SKOR1: variants seen among roughly 807,000 people sequenced by gnomAD.
SKOR1 encodes SKI family transcriptional corepressor 1.
A neutral mutation model predicts 72.4 loss-of-function variants in SKOR1; 38 were observed. The ratio of observed to expected loss-of-function variants is 0.52; its 90% CI spans 0.40 to 0.69. The LOEUF (loss-of-function observed/expected upper bound fraction) is 0.69. Among genes scored for constraint, SKOR1 ranks in the 30% least tolerant of loss-of-function variants. The pLI, the probability that SKOR1 is intolerant of heterozygous loss-of-function variation, is 0.00. For synonymous variants in SKOR1, 642 were observed against 599.4 expected (o/e 1.07, Z -1.04); for missense variants, 1,320 against 1,343.2 (o/e 0.98, Z 0.27).
In SKOR1 at chr15:67,829,259, C is replaced by A; in HGVS notation, c.2397C>A (p.Pro799=). ...CCGCGGCCTCCTACGTCTGCACCCC[C>A]GAGGCCCACGGTAACGCCTGTCGCG... ...LGPAASYVCT[P]EAHEPDKEDN... is the part of the protein sequence containing the mutation. Residue 799 remains proline (P), a synonymous_variant, in exon 3 of 9, where the codon CCC becomes CCA. Transcript: ENST00000380035. 6.4e-7 allele frequency: 1 copy of A among 1,554,156 alleles called. No individual in the cohort carries two copies. The highest frequency in any genetic ancestry group is 2.4e-5 in the East Asian group (1 of 42,054).
chr15:67,832,786 T>A lies in SKOR1; in HGVS notation c.2737+105T>A. 1 of 948,048 alleles carries A rather than the reference T, an allele frequency of 1.1e-6. No homozygotes were observed. The highest frequency in any genetic ancestry group is 1.5e-5 in the South Asian group (1 of 68,010). 58.7% of individuals were successfully genotyped at this position (948,048 alleles called of 1,614,324 possible). On this transcript the variant is annotated intron_variant, in intron 7 of 8. Transcript: ENST00000380035. The surrounding 1 kb of genome is among the most constrained non-coding windows in gnomAD (Gnocchi z 4.5). ...ATTTGGATTTAAATTGAAGGTAATT[T>A]AACAATTATTTTTTTATTTAATATG...
chr15:67,834,088 C>T lies in SKOR1; in HGVS notation c.*252C>T. 1 of 550,828 alleles carries T rather than the reference C, an allele frequency of 1.8e-6. No individual in the cohort carries two copies. Among genetic ancestry groups the T allele is most frequent in the Non-Finnish European group, 3.3e-6 (1 of 304,156 alleles). 34.1% of individuals were successfully genotyped at this position (550,828 alleles called of 1,614,324 possible). On this transcript the variant is annotated 3_prime_UTR_variant, in exon 9 of 9. Coordinates refer to ENST00000380035, the MANE Select transcript of SKOR1 (RefSeq NM_001365915.1). The surrounding 1 kb of genome is among the most constrained non-coding windows in gnomAD (Gnocchi z 5.8). ...CTCAAATCCCCCTACCCCGTGTGAA[C>T]TCTAGGGCATCGGACCTCAAGGGGT...
In SKOR1 at chr15:67,833,821, A is replaced by G. The variant is rs766606143; in HGVS notation, c.2883A>G (p.Pro961=). ...RHCTGNCSFK[P]PLLP ...GCACTGGCAACTGCTCCTTCAAGCC[A>G]CCGCTGTTGCCCTAGGGCCGGCCTG... The change falls in exon 9 of 9, where the codon CCA becomes CCG. Residue 961 remains proline (P), a synonymous_variant. Transcript: ENST00000380035. This position sits in a 1 kb window ranked among gnomAD's most constrained non-coding sequence, Gnocchi z 6.0. 4.3e-6 allele frequency: 7 copies of G among 1,611,192 alleles called. No individual in the cohort carries two copies. In the South Asian group the frequency reaches 4.4e-5, roughly 10 times the overall value.
At position 67,833,825 on chromosome 15, in the gene SKOR1, C is replaced by T; in HGVS notation, c.2887C>T (p.Leu963=). ...CTGNCSFKPP[L]LP is the part of the protein sequence containing the mutation. ...TGGCAACTGCTCCTTCAAGCCACCG[C>T]TGTTGCCCTAGGGCCGGCCTGGCCG... The change falls in exon 9 of 9, where the codon CTG becomes TTG. Residue 963 remains leucine, a synonymous_variant. Coordinates refer to ENST00000380035, the MANE Select transcript of SKOR1 (RefSeq NM_001365915.1). This position sits in a 1 kb window ranked among gnomAD's most constrained non-coding sequence, Gnocchi z 6.0. 2 of 1,610,880 alleles carry T rather than the reference C, an allele frequency of 1.2e-6. No homozygotes were observed. Among genetic ancestry groups the T allele is most frequent in the Non-Finnish European group, 1.7e-6 (2 of 1,180,014 alleles).
intron 2 of SKOR1, among the ~76,000 whole-genome samples, chr15:67,828,568 C>T (rs906177399): frequency 9.2e-5 from 14 of 152,184 alleles, no homozygotes; most frequent in Non-Finnish European, 1.2e-4. Context: ...GTGGCCTCTC[C>T]CTGAGTCGGG....
chr15:67,833,281 TAGG>T lies in SKOR1; in HGVS notation c.2803+28_2803+30del, dbSNP rs1566977572. 3.1e-6 allele frequency: 5 copies of T among 1,613,202 alleles called. No homozygotes were observed. Among genetic ancestry groups the T allele is most frequent in the Non-Finnish European group, 3.4e-6 (4 of 1,179,506 alleles). On this transcript the variant is annotated intron_variant, in intron 8 of 8. Coordinates refer to ENST00000380035, the MANE Select transcript of SKOR1 (RefSeq NM_001365915.1). This position sits in a 1 kb window ranked among gnomAD's most constrained non-coding sequence, Gnocchi z 6.0. ...AGGTGCGGAAGCCGGGAAACAAAGA[TAGG>T]AGGGGTGCTGGGTGCCGGCCGTGCT...
At chr15:67,831,171 C>T (rs1257784882) in intron 5 of SKOR1, among the ~76,000 whole-genome samples, 1 of 152,156 alleles carries the variant, frequency 6.6e-6, no homozygotes, top group South Asian at 2.1e-4. Flanking sequence ...AATAGCCTTG[C>T]CAGAAAGAGA....
Position 67,832,181 on chromosome 15 carries a change from T to C in SKOR1, c.2588-93T>C. 2 of 1,152,824 alleles carry C rather than the reference T, an allele frequency of 1.7e-6. No homozygotes were observed. Among genetic ancestry groups the C allele is most frequent in the Non-Finnish European group, 2.6e-6 (2 of 772,422 alleles). The allele number at this position is 1,152,824 out of a possible 1,614,324, so 71.4% of individuals were successfully genotyped here. A position where few individuals can be genotyped will look rare whatever the true frequency, so the allele number is the denominator to read the frequency against. ...CCACCTACTGGTCATCCTTCTCAAC[T>C]CTCCTTTCAGGGTTGTTGGCCAAGG... On this transcript the variant is annotated intron_variant, in intron 5 of 8. Transcript: ENST00000380035. This position sits in a 1 kb window ranked among gnomAD's most constrained non-coding sequence, Gnocchi z 4.5.
At position 67,827,663 on chromosome 15, in the gene SKOR1, C is replaced by T. The variant is rs777446797; in HGVS notation, c.1835C>T (p.Ala612Val). 6.5e-7 allele frequency: 1 copy of T among 1,532,498 alleles called. No homozygotes were observed. The highest frequency in any genetic ancestry group is 1.2e-5 in the South Asian group (1 of 82,632). 94.9% of individuals were successfully genotyped at this position (1,532,498 alleles called of 1,614,324 possible). A position where few individuals can be genotyped will look rare whatever the true frequency, so the allele number is the denominator to read the frequency against. The change falls in exon 2 of 9, where the codon GCC becomes GTC. Residue 612 changes from alanine (A) to valine (V), a missense_variant. Coordinates refer to ENST00000380035, the MANE Select transcript of SKOR1 (RefSeq NM_001365915.1). The stretch of plus-strand genomic sequence containing the variant: ...AGCATCGCTAAGCTCTACGGGAGCG[C>T]CCGGGAGGCGTACGGCGCGGGGCCT... ...TESIAKLYGS[A>V]REAYGAGPAR...
Position 67,827,883 on chromosome 15 carries a change from A to C in SKOR1, c.2055A>C (p.Ala685=), listed in dbSNP as rs773308687. 3.1e-6 allele frequency: 5 copies of C among 1,600,604 alleles called. No individual in the cohort carries two copies. Among genetic ancestry groups the C allele is most frequent in the Non-Finnish European group, 2.6e-6 (3 of 1,174,560 alleles). ...QEETEPSAPS[A]GGGPDGEQPT... is the part of the protein sequence containing the mutation. ...AGACCGAGCCCAGCGCACCCAGCGC[A>C]GGGGGCGGCCCAGACGGTGAACAGC... Residue 685 remains alanine, a synonymous_variant, in exon 2 of 9, where the codon GCA becomes GCC. Coordinates refer to ENST00000380035, the MANE Select transcript of SKOR1 (RefSeq NM_001365915.1).
In SKOR1 at chr15:67,827,627, A is replaced by C; in HGVS notation, c.1799A>C (p.Lys600Thr). ...GTGTCGGCCTTCCGGCCGGTGGTCA[A>C]GGACACCGAGAGCATCGCTAAGCTC... The part of the protein sequence containing the change: ...SYVSAFRPVV[K>T]DTESIAKLYG... The change falls in exon 2 of 9, where the codon AAG becomes ACG. Residue 600 changes from lysine (K) to threonine (T), a missense_variant. By Grantham distance (78) the Lys-to-Thr change is moderately conservative. Coordinates refer to ENST00000380035, the MANE Select transcript of SKOR1 (RefSeq NM_001365915.1). The C allele has an allele frequency of 6.5e-7, 1 of 1,529,724 alleles. No homozygotes were observed. Among genetic ancestry groups the C allele is most frequent in the South Asian group, 1.2e-5 (1 of 83,410 alleles). 94.8% of individuals were successfully genotyped at this position (1,529,724 alleles called of 1,614,324 possible).
At chr15:67,831,516 C>G (rs1053937254) in intron 5 of SKOR1, among the ~76,000 whole-genome samples, 1 of 152,114 alleles carries the variant, frequency 6.6e-6, no homozygotes, top group African/African-American at 2.4e-5. Flanking sequence ...TTCAGAGGAG[C>G]CTCTCCTGGA....
rs1197368679 is a variant in SKOR1, at chr15:67,827,475, G to C, written c.1647G>C (p.Ala549=). The C allele has an allele frequency of 7.2e-6, 11 of 1,520,896 alleles. No individual in the cohort carries two copies. Among genetic ancestry groups the C allele is most frequent in the Non-Finnish European group, 8.8e-6 (10 of 1,141,538 alleles). 94.2% of individuals were successfully genotyped at this position (1,520,896 alleles called of 1,614,324 possible). ...AEPAKESGLG[A]EERCPSALSR... Reference sequence around the variant, plus strand: ...CAGCCAAAGAGAGTGGCCTCGGCGCGGAGGAGCGCTGCCCGAGCGCTCTGT... The same window carrying C: ...CAGCCAAAGAGAGTGGCCTCGGCGCCGAGGAGCGCTGCCCGAGCGCTCTGT... Residue 549 remains alanine, a synonymous_variant, in exon 2 of 9, where the codon GCG becomes GCC. Transcript: ENST00000380035.
Position 67,832,143 on chromosome 15 carries a change from G to T in SKOR1, c.2588-131G>T. ...TTTGAATGCAGTTGGTAAAGCCAGA[G>T]AGCGGAGGGCCTCCACCTACTGGTC... On this transcript the variant is annotated intron_variant, in intron 5 of 8. Coordinates refer to ENST00000380035, the MANE Select transcript of SKOR1 (RefSeq NM_001365915.1). This position sits in a 1 kb window ranked among gnomAD's most constrained non-coding sequence, Gnocchi z 4.5. 1.3e-6 allele frequency: 1 copy of T among 773,910 alleles called. No individual in the cohort carries two copies. The highest frequency in any genetic ancestry group is 2.2e-6 in the Non-Finnish European group (1 of 449,958). The allele number at this position is 773,910 out of a possible 1,614,324, so 47.9% of individuals were successfully genotyped here.
At chr15:67,831,904 G>GGGGGGGGC (rs1566977259) in intron 5 of SKOR1, among the ~76,000 whole-genome samples, 48 of 104,812 alleles carry the variant, frequency 4.6e-4, no homozygotes, top group African/African-American at 1.5e-3. Flanking sequence ...GCGGCGGTGC[G>GGGGGGGGC]GGGGGGGGAG....
In SKOR1 at chr15:67,826,126, C is replaced by T; in HGVS notation, c.298C>T (p.Leu100=). 1.9e-6 allele frequency: 3 copies of T among 1,604,472 alleles called. No homozygotes were observed. The highest frequency in any genetic ancestry group is 2.6e-6 in the Non-Finnish European group (3 of 1,173,168). The change falls in exon 2 of 9, where the codon CTG becomes TTG. Residue 100 remains leucine (L), a synonymous_variant. Transcript: ENST00000380035. The stretch of plus-strand genomic sequence containing the variant: ...CATCGACGGCCAGGAGCGCCTATGC[C>T]TGGCGCAGATCTCCAACACCCTCCT... ...LVIDGQERLC[L]AQISNTLLKN...
chr15:67,833,842 G>A lies in SKOR1; in HGVS notation c.*6G>A, dbSNP rs749078555. 4 of 1,607,546 alleles carry A rather than the reference G, an allele frequency of 2.5e-6. No individual in the cohort carries two copies. Among genetic ancestry groups the A allele is most frequent in the African/African-American group, 2.7e-5 (2 of 75,042 alleles). Reference sequence around the variant, plus strand: ...AGCCACCGCTGTTGCCCTAGGGCCGGCCTGGCCGCACCCCTGCGCCCTCAA... The same window carrying A: ...AGCCACCGCTGTTGCCCTAGGGCCGACCTGGCCGCACCCCTGCGCCCTCAA... On this transcript the variant is annotated 3_prime_UTR_variant, in exon 9 of 9. Transcript: ENST00000380035. The surrounding 1 kb of genome is among the most constrained non-coding windows in gnomAD (Gnocchi z 6.0).
rs1223998377 is a variant in SKOR1, at chr15:67,832,794, AT to A, written c.2737+120del. On this transcript the variant is annotated intron_variant, in intron 7 of 8. Transcript: ENST00000380035. The surrounding 1 kb of genome is among the most constrained non-coding windows in gnomAD (Gnocchi z 4.5). ...TTAAATTGAAGGTAATTTAACAATT[AT>A]TTTTTTATTTAATATGCTTTGTATA... is the stretch of plus-strand genomic sequence containing the variant. 1.9e-5 allele frequency: 17 copies of A among 884,416 alleles called. No individual in the cohort carries two copies. The highest frequency in any genetic ancestry group is 2.7e-5 in the Non-Finnish European group (15 of 560,518). 54.8% of individuals were successfully genotyped at this position (884,416 alleles called of 1,614,324 possible).
At chr15:67,830,130 C>G (rs1175841134) in intron 3 of SKOR1, 61 bp from the exon 4 acceptor site, 2 of 1,561,680 alleles carry the variant, frequency 1.3e-6, no homozygotes, top group Non-Finnish European at 1.8e-6. Context: ...CGCGGCAGCT[C>G]CGGCAGTATC....
Sources: allele counts gnomAD v4.1 joint callset (sites outside exome capture counted in the v4.1 genomes callset), GRCh38; gene constraint gnomAD v4.1.1; non-coding constraint Gnocchi (gnomAD v3.1); transcripts MANE v1.5; gene names NCBI Gene and HGNC (gene_info 2026-07-23, HGNC 2026-07-21).